The following LAMA3 variants were observed in gnomAD, a reference collection of about 807,000 sequenced individuals.
LAMA3 encodes laminin subunit alpha-3.
A neutral mutation model predicts 402.0 loss-of-function variants in LAMA3; 281 were observed. The ratio of observed to expected loss-of-function variants is 0.70; its 90% CI spans 0.63 to 0.77. LAMA3 has a LOEUF of 0.77. Among genes scored for constraint, LAMA3 ranks in the 30% least tolerant of loss-of-function variants. The pLI is 0.00. For synonymous variants in LAMA3, 1,431 were observed against 1,558.4 expected (o/e 0.92, Z 1.93); for missense variants, 3,840 against 4,215.5 (o/e 0.91, Z 2.47).
At chr18:23,869,726 T>C (rs188763643) in intron 37 of LAMA3, among the ~76,000 whole-genome samples, 2 of 152,146 alleles carry the variant, frequency 1.3e-5, no homozygotes, top group South Asian at 2.1e-4. Flanking sequence ...ATTTAAGAGA[T>C]GTAAAAACTG....
At chr18:23,781,388 C>T in intron 11 of LAMA3, 2 of 433,680 alleles carry the variant, frequency 4.6e-6, no homozygotes, top group South Asian at 1.6e-5. Flanking sequence ...TTTCTTCTAC[C>T]CTCTTAGGTA....
At chr18:23,716,431 T>C (rs2061100913) in intron 2 of LAMA3, among the ~76,000 whole-genome samples, 1 of 152,206 alleles carries the variant, frequency 6.6e-6, no homozygotes, top group African/African-American at 2.4e-5. Context: ...AGTACTAAGA[T>C]TACAGGCGTA....
chr18:23,930,846 C>T (rs2082140647), intron 64 of LAMA3, among the ~76,000 whole-genome samples: 1 of 152,238 alleles, frequency 6.6e-6, no homozygotes, highest in Admixed American at 6.5e-5. Context: ...TTGACAAATT[C>T]ATTGGTGTTG....
At chr18:23,742,331 C>T (rs2061577963) in intron 2 of LAMA3, among the ~76,000 whole-genome samples, 1 of 151,984 alleles carries the variant, frequency 6.6e-6, no homozygotes, top group African/African-American at 2.4e-5. Flanking sequence ...TTAAAGGGGA[C>T]AAAAGAGACC....
rs183897977 is a variant in LAMA3 at position 23,805,399 on chromosome 18, G to A, written c.1604-4967G>A. 2.3e-3 allele frequency among the ~76,000 whole-genome samples: 344 copies of A among 152,324 alleles called. 3 individuals are homozygous for A. The highest frequency in any genetic ancestry group is 0.014 in the South Asian group (68 of 4,826). On this transcript the variant is annotated intron_variant, in intron 12 of 74. Coordinates refer to ENST00000313654, the MANE Select transcript of LAMA3 (RefSeq NM_198129.4). ...TCATCTCTGCAATTCCTGCAGAAAT[G>A]TTGTATTGCTTTTGGTTGTACTATT...
chr18:23,898,543 T>G, intron 44 of LAMA3, 195 bp from the exon 45 acceptor site: 1 of 601,430 alleles, frequency 1.7e-6, no homozygotes, highest in East Asian at 2.8e-5. Flanking sequence ...TTTGCTACTT[T>G]ATTTTAGAGC....
At chr18:23,850,637 T>C (rs192040326) in intron 32 of LAMA3, among the ~76,000 whole-genome samples, 2 of 152,342 alleles carry the variant, frequency 1.3e-5, no homozygotes, top group Admixed American at 1.3e-4. Context: ...TCTATCAAGA[T>C]CAAAAAGATG....
At chr18:23,867,019 G>A (rs2064374009) in intron 36 of LAMA3, among the ~76,000 whole-genome samples, 1 of 152,202 alleles carries the variant, frequency 6.6e-6, no homozygotes, top group South Asian at 2.1e-4. Context: ...ATGCACATGT[G>A]AGCCACCATA....
chr18:23,921,333 C>A, intron 61 of LAMA3, 119 bp from the exon 62 acceptor site: 1 of 1,110,578 alleles, frequency 9.0e-7, no homozygotes, highest in Non-Finnish European at 1.3e-6. Context: ...CAGAGCCTTC[C>A]TACTATGTAT....
chr18:23,815,608 G>A (rs2063161325), intron 17 of LAMA3, 35 bp downstream of exon 17: 1 of 1,346,578 alleles, frequency 7.4e-7, no homozygotes, highest in African/African-American at 1.4e-5. Flanking sequence ...GCAAAGCACA[G>A]TGTTGATGGA....
intron 40 of LAMA3, 65 bp from the exon 41 acceptor site, chr18:23,884,707 TA>T: frequency 2.1e-6 from 3 of 1,399,850 alleles, no homozygotes; most frequent in Non-Finnish European, 3.0e-6. Context: ...TCCTTTGTGG[TA>T]AAAAATAAGC....
intron 2 of LAMA3, among the ~76,000 whole-genome samples, chr18:23,745,459 A>G (rs982340648): frequency 2.0e-5 from 3 of 152,194 alleles, no homozygotes; most frequent in Admixed American, 2.0e-4. Context: ...GAATTTTAGC[A>G]TATTGGGAAA....
chr18:23,815,053 T>G, intron 15 of LAMA3, 135 bp from the exon 16 acceptor site: 1 of 773,366 alleles, frequency 1.3e-6, no homozygotes, highest in Non-Finnish European at 2.3e-6. Flanking sequence ...GCCTCAGCGA[T>G]GCAAACTCTC....
In LAMA3 at chr18:23,689,815, G is replaced by C. The variant is rs752775121; in HGVS notation, c.132G>C (p.Gly44=). 67 of 1,543,860 alleles carry C rather than the reference G, an allele frequency of 4.3e-5. No individual in the cohort carries two copies. The highest frequency in any genetic ancestry group is 8.7e-6 in the Non-Finnish European group (10 of 1,145,228). The stretch of plus-strand genomic sequence containing the variant: ...CTCGGGATCCCGGGGCCGCGGCCGG[G>C]CTCAGCCTTCACCCGACTTACTTCA... The part of the protein sequence containing the change: ...ATARDPGAAA[G]LSLHPTYFNL... The change falls in exon 1 of 75, where the codon GGG becomes GGC. Residue 44 remains glycine, a synonymous_variant. Transcript: ENST00000313654.
Position 23,839,130 on chromosome 18 carries a change from C to T in LAMA3, c.3191+252C>T, listed in dbSNP as rs950817912. ...TAAGCCTACCCCTGGAGGGCAGGAA[C>T]GCTGAGTTCTATTCTGAGCCCTCGA... On this transcript the variant is annotated intron_variant, in intron 26 of 74. Transcript: ENST00000313654. The surrounding 1 kb of genome is among the most constrained non-coding windows in gnomAD (Gnocchi z 4.5). Among the ~76,000 whole-genome samples, 2 of 152,212 alleles carry T rather than the reference C, an allele frequency of 1.3e-5. No homozygotes were observed.
intron 1 of LAMA3, among the ~76,000 whole-genome samples, chr18:23,693,362 T>G (rs745497535): frequency 6.6e-6 from 1 of 152,016 alleles, no homozygotes; most frequent in Non-Finnish European, 1.5e-5. Flanking sequence ...ATAATACTGG[T>G]TTTTATGTTT....
In LAMA3 at chr18:23,918,807, G is replaced by A. The variant is rs896848328; in HGVS notation, c.7923+2112G>A. ...GAACATGGGATTGATAAGGAGCTTG[G>A]GATTTTACCAGAGTCTTCTACCGCA... On this transcript the variant is annotated intron_variant, in intron 60 of 74. Coordinates refer to ENST00000313654, the MANE Select transcript of LAMA3 (RefSeq NM_198129.4). The surrounding 1 kb of genome is among the most constrained non-coding windows in gnomAD (Gnocchi z 4.1). Among the ~76,000 whole-genome samples the A allele has an allele frequency of 6.6e-6, 1 of 152,138 alleles. No individual in the cohort carries two copies. The highest frequency in any genetic ancestry group is 2.4e-5 in the African/African-American group (1 of 41,416).
In LAMA3 at chr18:23,890,110, G is replaced by T; in HGVS notation, c.5403G>T (p.Leu1801=). The change falls in exon 42 of 75, where the codon CTG becomes CTT. Residue 1801 remains leucine, a synonymous_variant. Transcript: ENST00000313654. ...GCCAGCTGGGCAGCTGTCATCCCCT[G>T]ACTGGAGGTAAGGCCGACCCACACC... The part of the protein sequence containing the change: ...SNGQLGSCHP[L]TGDCINQEPK... The T allele has an allele frequency of 6.2e-7, 1 of 1,611,296 alleles. No homozygotes were observed. Among genetic ancestry groups the T allele is most frequent in the South Asian group, 1.1e-5 (1 of 91,018 alleles).
chr18:23,900,973 G>A (rs886432304), intron 47 of LAMA3, among the ~76,000 whole-genome samples, 154 bp from the exon 48 acceptor site: 1 of 152,142 alleles, frequency 6.6e-6, no homozygotes, highest in Non-Finnish European at 1.5e-5. Context: ...GCACATAGCA[G>A]GTCTGTGTCA....
Sources: gnomAD v4.1 joint callset for allele counts (sites outside exome capture counted in the v4.1 genomes callset) on GRCh38, gnomAD v4.1.1 for gene constraint, Gnocchi (gnomAD v3.1) non-coding constraint, MANE v1.5 for transcripts, NCBI Gene and HGNC (gene_info 2026-07-23, HGNC 2026-07-21) for gene names.